Variants in ADAM32 observed in about 807,000 individuals in gnomAD.
ADAM32 encodes the protein disintegrin and metalloproteinase domain-containing protein 32.
A neutral mutation model predicts 114.9 loss-of-function variants in ADAM32; 89 were observed. The observed-to-expected ratio is 0.77, with a 90% CI of 0.65 to 0.92. The LOEUF is 0.92. Among genes scored for constraint, ADAM32 ranks in the 40% least tolerant of loss-of-function variants. The pLI, the probability that ADAM32 is intolerant of heterozygous loss-of-function variation, is 0.00. For missense variants in ADAM32, 870 were observed against 932.8 expected (o/e 0.93, Z 0.88); for synonymous variants, 285 against 307.5 (o/e 0.93, Z 0.77).
intron 10 of ADAM32, among the ~76,000 whole-genome samples, chr8:39,174,669 C>G (rs1258019709): frequency 1.7e-5 from 2 of 119,382 alleles, no homozygotes; most frequent in Admixed American, 1.9e-4. Context: ...CTCCCCCGAC[C>G]CCACAACAGT....
intron 1 of ADAM32, among the ~76,000 whole-genome samples, chr8:39,114,695 T>C (rs1465818847): frequency 2.0e-5 from 3 of 152,224 alleles, no homozygotes; most frequent in Non-Finnish European, 4.4e-5. Context: ...AAAAATTTTT[T>C]TCATAAGTTT....
intron 12 of ADAM32, among the ~76,000 whole-genome samples, chr8:39,215,948 A>G (rs1429164184): frequency 1.3e-5 from 2 of 151,776 alleles, no homozygotes; most frequent in Non-Finnish European, 3.0e-5. Context: ...TTCTTTATTG[A>G]TTTTATTGAT....
chr8:39,134,901 A>G (rs1802693788), intron 2 of ADAM32, among the ~76,000 whole-genome samples: 1 of 152,196 alleles, frequency 6.6e-6, no homozygotes, highest in African/African-American at 2.4e-5. Context: ...CAAGCCTGTA[A>G]TCCTAGCACT....
chr8:39,276,171 T>G (rs1813059050), intron 22 of ADAM32: 2 of 264,282 alleles, frequency 7.6e-6, no homozygotes, highest in Admixed American at 1.1e-4. Context: ...TTTTGTATTC[T>G]TTTTCTTGGA....
chr8:39,154,959 T>C (rs946777712), intron 6 of ADAM32, among the ~76,000 whole-genome samples: 30 of 152,138 alleles, frequency 2.0e-4, no homozygotes, highest in African/African-American at 7.2e-4. Context: ...ATGGGTAGAT[T>C]GCAAAAATTT....
At chr8:39,161,087 T>C in intron 7 of ADAM32, 122 bp downstream of exon 7, 1 of 853,274 alleles carries the variant, frequency 1.2e-6, no homozygotes, top group East Asian at 3.0e-5. Flanking sequence ...GAGACAATAG[T>C]GGAAAAATGT....
At chr8:39,234,138 T>A in intron 16 of ADAM32, 56 bp downstream of exon 16, 1 of 1,159,524 alleles carries the variant, frequency 8.6e-7, no homozygotes, top group Non-Finnish European at 1.1e-6. Flanking sequence ...TTTTCATCTT[T>A]TTATTTAAGT....
chr8:39,278,367 G>A (rs1214647314), intron 22 of ADAM32, among the ~76,000 whole-genome samples: 4 of 152,184 alleles, frequency 2.6e-5, no homozygotes, highest in Admixed American at 1.3e-4. Context: ...CCGGCTTTTC[G>A]GCTTGAGGGT....
intron 10 of ADAM32, among the ~76,000 whole-genome samples, chr8:39,175,940 AT>A (rs1805500088): frequency 6.6e-6 from 1 of 152,012 alleles, no homozygotes; most frequent in African/African-American, 2.4e-5. Flanking sequence ...GAATTTATCC[AT>A]TTCTTCTAGA....
At chr8:39,140,837 A>G (rs1323558926) in intron 3 of ADAM32, among the ~76,000 whole-genome samples, 3 of 152,094 alleles carry the variant, frequency 2.0e-5, no homozygotes, top group Non-Finnish European at 4.4e-5. Context: ...AGAACCTGTT[A>G]TTGGTCTATT....
chr8:39,256,075 A>C (rs912332722), intron 18 of ADAM32, among the ~76,000 whole-genome samples: 15 of 151,280 alleles, frequency 9.9e-5, no homozygotes, highest in Non-Finnish European at 3.0e-5. Context: ...ATTCCATTCC[A>C]TTGGTCTCTG....
At chr8:39,167,769 A>T (rs1354963090) in intron 9 of ADAM32, 1 of 152,116 alleles carries the variant, frequency 6.6e-6, no homozygotes, top group East Asian at 1.9e-4. Context: ...TTGGTTAAGT[A>T]TATTCCTAAG....
chr8:39,147,960 C>T (rs1289958502), intron 4 of ADAM32, among the ~76,000 whole-genome samples: 2 of 151,870 alleles, frequency 1.3e-5, no homozygotes, highest in Non-Finnish European at 2.9e-5. Flanking sequence ...TAAACCCTAT[C>T]AAGAGATAGG....
At chr8:39,280,288 T>TA (rs1056029386) in intron 22 of ADAM32, among the ~76,000 whole-genome samples, 5 of 152,164 alleles carry the variant, frequency 3.3e-5, no homozygotes, top group African/African-American at 1.2e-4. Flanking sequence ...TATTTTTTTT[T>TA]AAATGGTAGA....
chr8:39,226,056 A>C (rs1450188525), intron 14 of ADAM32, among the ~76,000 whole-genome samples: 3 of 152,246 alleles, frequency 2.0e-5, no homozygotes, highest in Non-Finnish European at 4.4e-5. Flanking sequence ...TTTATAAAAA[A>C]AAATCAAATT....
At chr8:39,202,971 G>A (rs1424631055) in intron 11 of ADAM32, among the ~76,000 whole-genome samples, 3 of 152,272 alleles carry the variant, frequency 2.0e-5, no homozygotes, top group Non-Finnish European at 2.9e-5. Flanking sequence ...CTGAGTTCTA[G>A]TTTGATTGCA....
intron 11 of ADAM32, among the ~76,000 whole-genome samples, chr8:39,197,981 T>C (rs1807123301): frequency 6.6e-6 from 1 of 152,164 alleles, no homozygotes; most frequent in South Asian, 2.1e-4. Context: ...AATATTTGTT[T>C]TATATATCTG....
chr8:39,275,645 A>G (rs1214609626), intron 21 of ADAM32, among the ~76,000 whole-genome samples, 183 bp from the exon 22 acceptor site: 1 of 152,252 alleles, frequency 6.6e-6, no homozygotes, highest in Admixed American at 6.5e-5. Context: ...GACATTGTAT[A>G]TGAATAAATA....
At chr8:39,227,458 G>C (rs1809456475) in intron 14 of ADAM32, among the ~76,000 whole-genome samples, 1 of 152,144 alleles carries the variant, frequency 6.6e-6, no homozygotes, top group Non-Finnish European at 1.5e-5. Flanking sequence ...ACTTCACAGG[G>C]AGAAGGAAAC....
Sources: gnomAD v4.1 joint callset for allele counts (sites outside exome capture counted in the v4.1 genomes callset) on GRCh38, gnomAD v4.1.1 for gene constraint, MANE v1.5 for transcripts, NCBI Gene and HGNC (gene_info 2026-07-23, HGNC 2026-07-21) for gene names.